Variants in TMEM131 observed in about 807,000 individuals in gnomAD.
TMEM131 encodes 2610524E03Rik.
A neutral mutation model predicts 211.6 loss-of-function variants in TMEM131; 66 were observed. The observed-to-expected ratio is 0.31, with a 90% CI of 0.26 to 0.38. TMEM131 has a LOEUF of 0.38. Among genes scored for constraint, TMEM131 ranks in the 10% least tolerant of loss-of-function variants. The probability of loss-of-function intolerance (pLI) is 1.00; values close to 1 mark genes in which losing one functional copy is unlikely to be tolerated. For synonymous variants in TMEM131, 844 were observed against 841.3 expected (o/e 1.00, Z -0.06); for missense variants, 2,036 against 2,299.3 (o/e 0.89, Z 2.34).
intron 33 of TMEM131, among the ~76,000 whole-genome samples, chr2:97,767,244 T>C (rs1360352219): frequency 1.3e-5 from 2 of 152,244 alleles, no homozygotes; most frequent in African/African-American, 4.8e-5. Flanking sequence ...TTCTGAAAGA[T>C]ATTGAGGTAA....
intron 29 of TMEM131, 71 bp downstream of exon 29, chr2:97,794,859 G>T: frequency 7.7e-7 from 1 of 1,294,460 alleles, no homozygotes; most frequent in Non-Finnish European, 1.1e-6. Context: ...ACAGTGGCTG[G>T]CACACAGTGG....
chr2:97,875,287 T>C (rs6757357), intron 4 of TMEM131, among the ~76,000 whole-genome samples: 50,734 of 151,958 alleles, frequency 0.33, 9,318 homozygotes, highest in Non-Finnish European at 0.39. Flanking sequence ...TAACACCCTA[T>C]TGTCCGTATT....
chr2:97,946,620 C>T (rs1277499314), intron 1 of TMEM131, among the ~76,000 whole-genome samples: 2 of 151,726 alleles, frequency 1.3e-5, no homozygotes, highest in Non-Finnish European at 2.9e-5. Context: ...AAGATAACTC[C>T]AGGATTAGAT....
intron 2 of TMEM131, among the ~76,000 whole-genome samples, chr2:97,920,952 C>T (rs142845299): frequency 2.0e-5 from 3 of 148,362 alleles, no homozygotes; most frequent in Non-Finnish European, 3.0e-5. Context: ...TTCTGAGTGA[C>T]GCTAATAAAA....
intron 1 of TMEM131, among the ~76,000 whole-genome samples, chr2:97,973,547 G>A (rs895096783): frequency 6.6e-6 from 1 of 152,164 alleles, no homozygotes; most frequent in Non-Finnish European, 1.5e-5. Flanking sequence ...ATACCAAAAT[G>A]GAGTGAGCTG....
At chr2:97,950,367 A>C (rs1036316789) in intron 1 of TMEM131, among the ~76,000 whole-genome samples, 1 of 152,186 alleles carries the variant, frequency 6.6e-6, no homozygotes, top group Non-Finnish European at 1.5e-5. Context: ...GCTATGTTTC[A>C]ATTTAAAAAC....
chr2:97,872,045 G>A (rs1158603808), intron 4 of TMEM131, among the ~76,000 whole-genome samples: 1 of 151,224 alleles, frequency 6.6e-6, no homozygotes, highest in South Asian at 2.1e-4. Flanking sequence ...AAAAGAGGGG[G>A]AGGGAAAGGG....
At chr2:97,961,235 A>G (rs946355179) in intron 1 of TMEM131, among the ~76,000 whole-genome samples, 2 of 152,222 alleles carry the variant, frequency 1.3e-5, no homozygotes, top group African/African-American at 4.8e-5. Flanking sequence ...TGAACAATTG[A>G]AAAATAAAAT....
chr2:97,841,842 G>A lies in TMEM131; in HGVS notation c.696C>T (p.Ile232=), dbSNP rs761004376. 3 of 1,596,890 alleles carry A rather than the reference G, an allele frequency of 1.9e-6. No individual in the cohort carries two copies. The highest frequency in any genetic ancestry group is 2.7e-5 in the African/African-American group (2 of 74,678). ...VNSSFSPIIN[I]HNPHSEPLQV... ...GTAAAGGCTCACTGTGAGGATTGTG[G>A]ATGTTTATTATAGGTGAGAAACTGC... Residue 232 remains isoleucine (I), a synonymous_variant, in exon 7 of 41, where the codon ATC becomes ATT. Transcript: ENST00000186436.
At chr2:97,994,767 A>G (rs1680416415) in intron 1 of TMEM131, among the ~76,000 whole-genome samples, 1 of 152,238 alleles carries the variant, frequency 6.6e-6, no homozygotes, top group Admixed American at 6.5e-5. Context: ...GCAGCAGTAC[A>G]ATACTAATGA....
intron 3 of TMEM131, among the ~76,000 whole-genome samples, chr2:97,891,965 G>A (rs1027798776): frequency 6.6e-6 from 1 of 152,128 alleles, no homozygotes; most frequent in Non-Finnish European, 1.5e-5. Context: ...GGAAGGAAGT[G>A]CCTTAACCAG....
chr2:97,828,445 G>GC (rs1682503406), intron 11 of TMEM131, among the ~76,000 whole-genome samples: 6 of 152,102 alleles, frequency 3.9e-5, no homozygotes, highest in Admixed American at 2.6e-4. Flanking sequence ...TCAGCACAGG[G>GC]CCATACAACT....
chr2:97,848,867 G>A (rs920601951), intron 5 of TMEM131, among the ~76,000 whole-genome samples: 93 of 152,198 alleles, frequency 6.1e-4, no homozygotes, highest in African/African-American at 2.1e-3. Flanking sequence ...TAAAAAGAAT[G>A]AAAAGGTATG....
At chr2:97,829,693 C>T (rs746508241) in intron 11 of TMEM131, among the ~76,000 whole-genome samples, 40 of 152,230 alleles carry the variant, frequency 2.6e-4, no homozygotes, top group Middle Eastern at 3.4e-3. Flanking sequence ...GGGTCCGCAC[C>T]ACCTTTAAGA....
intron 11 of TMEM131, among the ~76,000 whole-genome samples, chr2:97,825,894 T>C (rs1183055038): frequency 6.6e-5 from 10 of 152,322 alleles, no homozygotes; most frequent in South Asian, 2.1e-4. Context: ...AATGGCATAG[T>C]AGGTGCCAAA....
At position 97,834,928 on chromosome 2, in the gene TMEM131, G is replaced by A. The variant is rs1682870876; in HGVS notation, c.805-3C>T. On this transcript the variant is annotated splice_region_variant and splice_polypyrimidine_tract_variant and intron_variant, in intron 8 of 40. Transcript: ENST00000186436. ...TTGGTTTCATAAGGAGGAATTTCCT[G>A]ACAAGTTAACAGACCATAATGTAGC... 6.2e-7 allele frequency: 1 copy of A among 1,613,342 alleles called. No individual in the cohort carries two copies. The highest frequency in any genetic ancestry group is 8.5e-7 in the Non-Finnish European group (1 of 1,179,708).
chr2:97,820,967 C>T (rs937125650), intron 11 of TMEM131, among the ~76,000 whole-genome samples: 1 of 152,026 alleles, frequency 6.6e-6, no homozygotes, highest in Admixed American at 6.6e-5. Context: ...ACAAATGAGC[C>T]ACTTTATCTT....
At chr2:97,809,378 T>C (rs1681449295) in intron 19 of TMEM131, among the ~76,000 whole-genome samples, 1 of 152,192 alleles carries the variant, frequency 6.6e-6, no homozygotes, top group African/African-American at 2.4e-5. Context: ...AATTCTAAGC[T>C]GGCTCCCATA....
At chr2:97,931,173 C>T (rs9784011) in intron 1 of TMEM131, among the ~76,000 whole-genome samples, 57,555 of 151,476 alleles carry the variant, frequency 0.38, 12,523 homozygotes, top group African/African-American at 0.54. Flanking sequence ...GGAAGATTTA[C>T]AAAGGAAAGA....
Sources: allele counts gnomAD v4.1 joint callset (sites outside exome capture counted in the v4.1 genomes callset), GRCh38; gene constraint gnomAD v4.1.1; transcripts MANE v1.5; gene names NCBI Gene and HGNC (gene_info 2026-07-23, HGNC 2026-07-21).